The following GRK5 variants were observed in gnomAD, a reference collection of about 807,000 sequenced individuals.
GRK5 encodes the protein g protein-coupled receptor kinase GRK5.
Under a neutral mutation model 78.4 loss-of-function variants are expected in GRK5, and 40 were observed. The observed-to-expected ratio is 0.51, with a 90% CI of 0.40 to 0.66. The LOEUF is 0.66. Ranked by LOEUF, GRK5 falls within the 30% of genes least tolerant of loss-of-function variation. The pLI is 0.00. For synonymous variants in GRK5, 289 were observed against 296.8 expected (o/e 0.97, Z 0.27); for missense variants, 598 against 759.9 (o/e 0.79, Z 2.50).
intron 1 of GRK5, among the ~76,000 whole-genome samples, chr10:119,244,265 A>C (rs957073512): frequency 6.6e-6 from 1 of 152,282 alleles, no homozygotes; most frequent in Non-Finnish European, 1.5e-5. Context: ...TGACTGAAAA[A>C]TTTATATTCT....
At chr10:119,421,501 C>A (rs758984384) in intron 4 of GRK5, among the ~76,000 whole-genome samples, 4 of 152,246 alleles carry the variant, frequency 2.6e-5, no homozygotes, top group Non-Finnish European at 5.9e-5. Flanking sequence ...TGGCCTGGGG[C>A]TCCTCCCATG....
chr10:119,268,212 G>A (rs1283607962), intron 1 of GRK5, among the ~76,000 whole-genome samples: 1 of 152,208 alleles, frequency 6.6e-6, no homozygotes, highest in African/African-American at 2.4e-5. Context: ...ATGGGAAAAT[G>A]GAATGAACAA....
chr10:119,394,074 GGTGT>G (rs1181929537), intron 3 of GRK5, among the ~76,000 whole-genome samples: 3 of 141,538 alleles, frequency 2.1e-5, no homozygotes, highest in African/African-American at 2.7e-5. Flanking sequence ...TGTGTCTGTG[GGTGT>G]GTGTGGGTAT....
intron 2 of GRK5, among the ~76,000 whole-genome samples, chr10:119,353,968 T>G (rs1208180684): frequency 4.9e-4 from 73 of 149,942 alleles, no homozygotes; most frequent in African/African-American, 1.8e-3. Context: ...GACTTATACT[T>G]TATTAGTGTG....
intron 1 of GRK5, among the ~76,000 whole-genome samples, chr10:119,319,451 C>T (rs1247297047): frequency 6.6e-6 from 1 of 152,246 alleles, no homozygotes; most frequent in African/African-American, 2.4e-5. Flanking sequence ...GGCCCTGGGC[C>T]TCGGTCACTG....
intron 1 of GRK5, among the ~76,000 whole-genome samples, chr10:119,222,942 T>C (rs545772966): frequency 5.8e-4 from 88 of 152,280 alleles, no homozygotes; most frequent in Middle Eastern, 6.8e-3. Flanking sequence ...TGGCCTGGAT[T>C]TTCCTCCAGG....
At chr10:119,291,626 C>T (rs1345845190) in intron 1 of GRK5, among the ~76,000 whole-genome samples, 2 of 149,272 alleles carry the variant, frequency 1.3e-5, no homozygotes, top group African/African-American at 4.9e-5. Context: ...TCTTCCTCCT[C>T]TTCCTCCTTC....
Position 119,336,721 on chromosome 10 carries a change from G to A in GRK5, c.148+10110G>A, listed in dbSNP as rs1003730589. Among the ~76,000 whole-genome samples, 3 of 152,338 alleles carry A rather than the reference G, an allele frequency of 2.0e-5. No homozygotes were observed. The highest frequency in any genetic ancestry group is 2.1e-4 in the South Asian group (1 of 4,826). Reference sequence around the variant, plus strand: ...TCAGGGAAACCAAGTCTCTGCAGACGTCATTGCTGTCCTTGGGGTGATAAG... The same window carrying A: ...TCAGGGAAACCAAGTCTCTGCAGACATCATTGCTGTCCTTGGGGTGATAAG... On this transcript the variant is annotated intron_variant, in intron 2 of 15. Transcript: ENST00000392870. The surrounding 1 kb of genome is among the most constrained non-coding windows in gnomAD (Gnocchi z 4.5).
chr10:119,449,607 G>A (rs568892960), intron 13 of GRK5, among the ~76,000 whole-genome samples: 24 of 151,818 alleles, frequency 1.6e-4, no homozygotes, highest in African/African-American at 4.1e-4. Flanking sequence ...CCTGACCAAC[G>A]TGGTGAAACC....
Position 119,231,295 on chromosome 10 carries a change from C to G in GRK5, c.52+23326C>G, listed in dbSNP as rs143998606. 1.8e-3 allele frequency among the ~76,000 whole-genome samples: 268 copies of G among 152,216 alleles called. 1 individual carries two copies. Among genetic ancestry groups the G allele is most frequent in the African/African-American group, 6.1e-3 (254 of 41,520 alleles). On this transcript the variant is annotated intron_variant, in intron 1 of 15. Coordinates refer to ENST00000392870, the MANE Select transcript of GRK5 (RefSeq NM_005308.3). ...CATTTCTCAAAAGAAGACATACACACCACTAAAGAACTTACTCATGTAACC... is the reference window on the plus strand; with the variant it reads ...CATTTCTCAAAAGAAGACATACACAGCACTAAAGAACTTACTCATGTAACC...
intron 1 of GRK5, among the ~76,000 whole-genome samples, chr10:119,283,934 T>C (rs1849804937): frequency 5.9e-5 from 9 of 152,260 alleles, no homozygotes; most frequent in Admixed American, 5.9e-4. Context: ...GCAGCCAACA[T>C]GGATCGAGAG....
At chr10:119,286,705 AT>A (rs1424814181) in intron 1 of GRK5, among the ~76,000 whole-genome samples, 2 of 152,248 alleles carry the variant, frequency 1.3e-5, no homozygotes, top group Non-Finnish European at 2.9e-5. Context: ...GCAGCCCGCC[AT>A]GCAGGCACCC....
In GRK5 at chr10:119,264,797, C is replaced by T. The variant is rs1040774752; in HGVS notation, c.52+56828C>T. Among the ~76,000 whole-genome samples the T allele has an allele frequency of 2.0e-5, 3 of 152,212 alleles. No homozygotes were observed. The highest frequency in any genetic ancestry group is 7.2e-5 in the African/African-American group (3 of 41,460). ...TAAAACCACACTTACCCACTACATG[C>T]CCTGCCCACTCCCTTTTCCTCCTGG... is the stretch of plus-strand genomic sequence containing the variant. On this transcript the variant is annotated intron_variant, in intron 1 of 15. Coordinates refer to ENST00000392870, the MANE Select transcript of GRK5 (RefSeq NM_005308.3). The surrounding 1 kb of genome is among the most constrained non-coding windows in gnomAD (Gnocchi z 4.1).
Position 119,253,106 on chromosome 10 carries a change from G to A in GRK5, c.52+45137G>A, listed in dbSNP as rs1290089969. Among the ~76,000 whole-genome samples the A allele has an allele frequency of 6.6e-6, 1 of 152,144 alleles. No individual in the cohort carries two copies. Among genetic ancestry groups the A allele is most frequent in the Non-Finnish European group, 1.5e-5 (1 of 68,020 alleles). ...GCTCAAGGCTGGTTTCAACCCTGCT[G>A]TACTAATCTGCTGATGAGGGAGAGT... On this transcript the variant is annotated intron_variant, in intron 1 of 15. Coordinates refer to ENST00000392870, the MANE Select transcript of GRK5 (RefSeq NM_005308.3). This position sits in a 1 kb window ranked among gnomAD's most constrained non-coding sequence, Gnocchi z 5.7.
At chr10:119,236,528 T>A (rs1341831078) in intron 1 of GRK5, among the ~76,000 whole-genome samples, 1 of 152,230 alleles carries the variant, frequency 6.6e-6, no homozygotes, top group Admixed American at 6.5e-5. Context: ...CACACTATTT[T>A]AAAAATCGGG....
At chr10:119,290,870 C>T (rs573360930) in intron 1 of GRK5, among the ~76,000 whole-genome samples, 24 of 152,218 alleles carry the variant, frequency 1.6e-4, no homozygotes, top group Admixed American at 1.2e-3. Context: ...CTGGGCTCCT[C>T]TAAGGAGGGG....
chr10:119,317,735 A>C (rs1169182696), intron 1 of GRK5, among the ~76,000 whole-genome samples: 1 of 152,068 alleles, frequency 6.6e-6, no homozygotes, highest in Non-Finnish European at 1.5e-5. Context: ...AATATTTTTC[A>C]GTCAACTTTT....
At position 119,459,615 on chromosome 10, in the gene GRK5, G is replaced by A. The variant is rs1853451293; in HGVS notation, c.*4548G>A. On this transcript the variant is annotated 3_prime_UTR_variant, in exon 16 of 16. Transcript: ENST00000392870. ...AACTTCCACAGTGGCGGTCACTCCT[G>A]AAGGCAGCGGCTTCTGTTCTCCCGC... 6.6e-6 allele frequency: 1 copy of A among 152,252 alleles called. No individual in the cohort carries two copies. The highest frequency in any genetic ancestry group is 2.4e-5 in the African/African-American group (1 of 41,468). 9.4% of individuals were successfully genotyped at this position (152,252 alleles called of 1,614,324 possible).
intron 15 of GRK5, 40 bp downstream of exon 15, chr10:119,453,316 G>A (rs769776704): frequency 6.2e-6 from 10 of 1,611,172 alleles, no homozygotes; most frequent in African/African-American, 4.0e-5. Context: ...CATCAGCTCC[G>A]AGACCCCTGG....
Sources: allele counts gnomAD v4.1 joint callset (sites outside exome capture counted in the v4.1 genomes callset), GRCh38; gene constraint gnomAD v4.1.1; non-coding constraint Gnocchi (gnomAD v3.1); transcripts MANE v1.5; gene names NCBI Gene and HGNC (gene_info 2026-07-23, HGNC 2026-07-21).